SEL1L: variants seen among roughly 807,000 people sequenced by gnomAD.
The protein encoded by SEL1L is protein sel-1 homolog 1.
A neutral mutation model predicts 109.8 loss-of-function variants in SEL1L; 52 were observed. That is an observed-to-expected ratio of 0.47 (90% CI 0.38 to 0.60). The LOEUF (loss-of-function observed/expected upper bound fraction) is 0.60. SEL1L is among the 20% of genes least tolerant of loss of function. The probability of loss-of-function intolerance (pLI) is 0.00; values close to 1 mark genes in which losing one functional copy is unlikely to be tolerated. For synonymous variants in SEL1L, 373 were observed against 339.6 expected, an observed-to-expected ratio of 1.10 and a Z score of -1.08; for missense variants, 749 against 962.2, an observed-to-expected ratio of 0.78 and a Z score of 2.93.
chr14:81,510,451 G>C (rs1243767852), intron 3 of SEL1L, among the ~76,000 whole-genome samples: 5 of 136,728 alleles, frequency 3.7e-5, no homozygotes, highest in African/African-American at 1.3e-4. Flanking sequence ...GACAAAAAAG[G>C]TAAACATAGC....
chr14:81,504,577 T>C (rs1884158584), intron 4 of SEL1L, among the ~76,000 whole-genome samples: 1 of 152,126 alleles, frequency 6.6e-6, no homozygotes, highest in African/African-American at 2.4e-5. Flanking sequence ...AGGGTACTTT[T>C]CTGTTGGTAA....
At chr14:81,480,654 G>A (rs1429539068) in intron 19 of SEL1L, among the ~76,000 whole-genome samples, 1 of 152,134 alleles carries the variant, frequency 6.6e-6, no homozygotes, top group African/African-American at 2.4e-5. Context: ...GGAGGCAGAG[G>A]TTGCAGTGAG....
At position 81,487,905 on chromosome 14, in the gene SEL1L, G is replaced by A; in HGVS notation, c.1433C>T (p.Ala478Val). The change falls in exon 15 of 21, where the codon GCT becomes GTT. Residue 478 changes from alanine to valine, a missense_variant. Around this residue, in one of 2 missense-constraint regions of SEL1L, gnomAD observed 383 missense variants for 562.5 expected, o/e 0.68. Transcript: ENST00000336735. ...CTGCCCATCCACCCAGCCTTGTTCA[G>A]CAGCTTTCTGGAAATACTTAAGGGC... ...DLALKYFQKA[A>V]EQGWVDGQLQ... The A allele has an allele frequency of 6.2e-7, 1 of 1,613,828 alleles. No individual in the cohort carries two copies. The highest frequency in any genetic ancestry group is 8.5e-7 in the Non-Finnish European group (1 of 1,179,902).
intron 19 of SEL1L, among the ~76,000 whole-genome samples, chr14:81,481,483 C>T (rs956999922): frequency 6.6e-6 from 1 of 151,958 alleles, no homozygotes; most frequent in Admixed American, 6.6e-5. Context: ...ATGGTTTTTT[C>T]GACTGCTATA....
At chr14:81,515,495 T>G (rs1270496347) in intron 3 of SEL1L, among the ~76,000 whole-genome samples, 2 of 152,130 alleles carry the variant, frequency 1.3e-5, no homozygotes, top group Non-Finnish European at 2.9e-5. Context: ...TCCCTACCAG[T>G]CAGCAAGCCG....
At chr14:81,531,921 G>A (rs140409939) in intron 1 of SEL1L, among the ~76,000 whole-genome samples, 1 of 152,290 alleles carries the variant, frequency 6.6e-6, no homozygotes, top group East Asian at 1.9e-4. Flanking sequence ...CATTGTTTTA[G>A]TTCTGGCTAA....
chr14:81,527,767 A>G (rs796575838), intron 1 of SEL1L, 29 bp from the exon 2 acceptor site: 1 of 1,530,456 alleles, frequency 6.5e-7, no homozygotes, highest in East Asian at 2.3e-5. Context: ...ACAATTTAGT[A>G]ATCTTTCTTG....
chr14:81,510,514 C>CTCTCTCTCTCTA (rs35474067), intron 3 of SEL1L, among the ~76,000 whole-genome samples: 80 of 104,072 alleles, frequency 7.7e-4, no homozygotes, highest in East Asian at 1.2e-3. Flanking sequence ...CTCTCTCTCT[C>CTCTCTCTCTCTA]TATATATATA....
rs541149770 is a variant in SEL1L, at chr14:81,532,940, A to T, written c.70+735T>A. ...TCAAATGTAGGCAGATTAAAACATTAAAAAAGGGGGAAAAAAGCAGAACCA... is the reference window on the plus strand; with the variant it reads ...TCAAATGTAGGCAGATTAAAACATTTAAAAAGGGGGAAAAAAGCAGAACCA... On this transcript the variant is annotated intron_variant, in intron 1 of 20. Coordinates refer to ENST00000336735, the MANE Select transcript of SEL1L (RefSeq NM_005065.6). Among the ~76,000 whole-genome samples the T allele has an allele frequency of 2.8e-4, 42 of 152,338 alleles. 1 individual carries two copies. The South Asian group carries it at 7.9e-3, about 29-fold the overall frequency.
At position 81,472,693 on chromosome 14, in the gene SEL1L, T is replaced by G. The variant is rs1903045124; in HGVS notation, c.*4279A>C. On this transcript the variant is annotated 3_prime_UTR_variant, in exon 21 of 21. Transcript: ENST00000336735. The stretch of plus-strand genomic sequence containing the variant: ...GCTTCAAGACAAAGATATCAGAGAT[T>G]TAAAAGATAACATTTCTTAGCAAAT... 3.2e-6 allele frequency: 1 copy of G among 313,846 alleles called. No homozygotes were observed. The highest frequency in any genetic ancestry group is 6.2e-6 in the Non-Finnish European group (1 of 162,124). 19.4% of individuals were successfully genotyped at this position (313,846 alleles called of 1,614,324 possible). A position where few individuals can be genotyped will look rare whatever the true frequency, so the allele number is the denominator to read the frequency against.
chr14:81,495,510 G>A (rs374017583), intron 10 of SEL1L, among the ~76,000 whole-genome samples: 61 of 152,204 alleles, frequency 4.0e-4, no homozygotes, highest in African/African-American at 1.4e-3. Flanking sequence ...GGTAGCATAC[G>A]CCTGTAGTCC....
rs1044680579 is a variant in SEL1L, at chr14:81,504,490, T to A, written c.509-184A>T. Among the ~76,000 whole-genome samples, 15 of 150,828 alleles carry A rather than the reference T, an allele frequency of 9.9e-5. No individual in the cohort carries two copies. The highest frequency in any genetic ancestry group is 5.8e-4 in the East Asian group (3 of 5,174). On this transcript the variant is annotated intron_variant, in intron 4 of 20. Coordinates refer to ENST00000336735, the MANE Select transcript of SEL1L (RefSeq NM_005065.6). ...CACAAGATAAAACTTAAAAAAAATA[T>A]ATATATATATACACACATATATAAA...
At chr14:81,478,107 ACTTT>A (rs1169643121) in intron 20 of SEL1L, among the ~76,000 whole-genome samples, 2 of 152,358 alleles carry the variant, frequency 1.3e-5, no homozygotes, top group South Asian at 2.1e-4. Context: ...TATCACTGAT[ACTTT>A]CTGACTTTTA....
At chr14:81,483,703 T>G (rs917203013) in intron 19 of SEL1L, among the ~76,000 whole-genome samples, 8 of 152,194 alleles carry the variant, frequency 5.3e-5, no homozygotes, top group Non-Finnish European at 1.2e-4. Flanking sequence ...TAGCTGGAAC[T>G]TAGACCCTTT....
Position 81,526,949 on chromosome 14 carries a change from C to G in SEL1L, c.124G>C (p.Asp42His). Residue 42 changes from aspartate (D) to histidine (H), a missense_variant, in exon 3 of 21, where the codon GAT becomes CAT. Asp to His is a moderately conservative substitution (Grantham distance 81). Transcript: ENST00000336735. Reference sequence around the variant, plus strand: ...GTAGTATGGTCCTTTACTGACTCATCTGATGTCAAAGTAGTCTGAGAATAT... The same window carrying G: ...GTAGTATGGTCCTTTACTGACTCATGTGATGTCAAAGTAGTCTGAGAATAT... The part of the protein sequence containing the change: ...SLDSKTTLTS[D>H]ESVKDHTTAG... 6.2e-7 allele frequency: 1 copy of G among 1,610,314 alleles called. No homozygotes were observed. The highest frequency in any genetic ancestry group is 8.5e-7 in the Non-Finnish European group (1 of 1,177,554).
chr14:81,487,607 T>C (rs1465283449), intron 15 of SEL1L, 69 bp from the exon 16 acceptor site: 6 of 1,552,026 alleles, frequency 3.9e-6, no homozygotes, highest in Non-Finnish European at 5.2e-6. Flanking sequence ...AGAAGGCTTA[T>C]ATATGAAGAA....
rs777508864 is a variant in SEL1L, at chr14:81,487,960, A to G, written c.1396-18T>C. 1.9e-6 allele frequency: 3 copies of G among 1,592,376 alleles called. No individual in the cohort carries two copies. Among genetic ancestry groups the G allele is most frequent in the Non-Finnish European group, 2.6e-6 (3 of 1,161,888 alleles). On this transcript the variant is annotated intron_variant, in intron 14 of 20. Coordinates refer to ENST00000336735, the MANE Select transcript of SEL1L (RefSeq NM_005065.6). Reference sequence around the variant, plus strand: ...TCATAATTCTGTAGAAAAAGATGTCATATGATGAGAAAGCTCAAAAGGCAG... The same window carrying G: ...TCATAATTCTGTAGAAAAAGATGTCGTATGATGAGAAAGCTCAAAAGGCAG...
At chr14:81,505,114 C>G (rs1466037494) in intron 4 of SEL1L, among the ~76,000 whole-genome samples, 1 of 152,132 alleles carries the variant, frequency 6.6e-6, no homozygotes, top group Non-Finnish European at 1.5e-5. Context: ...CAGAAAAATA[C>G]TGTTGGGATC....
intron 8 of SEL1L, chr14:81,499,182 G>A: frequency 8.6e-7 from 1 of 1,156,400 alleles, no homozygotes; most frequent in African/African-American, 1.6e-5. Context: ...TTCCAACTCA[G>A]AGAAAATTTA....
Sources: gnomAD v4.1 joint callset for allele counts (sites outside exome capture counted in the v4.1 genomes callset) on GRCh38, gnomAD v4.1.1 for gene constraint, gnomAD v4.1.1 regional missense constraint, MANE v1.5 for transcripts, NCBI Gene and HGNC (gene_info 2026-07-23, HGNC 2026-07-21) for gene names.